GRM7: variants seen among roughly 807,000 people sequenced by gnomAD.
GRM7 encodes metabotropic glutamate receptor 7.
Under a neutral mutation model 84.5 loss-of-function variants are expected in GRM7, and 35 were observed. The observed-to-expected ratio is 0.41, with a 90% CI of 0.32 to 0.55. GRM7 has a LOEUF of 0.55. GRM7 is among the 20% of genes least tolerant of loss of function. The pLI, the probability that GRM7 is intolerant of heterozygous loss-of-function variation, is 0.19. For synonymous variants in GRM7, 487 were observed against 455.1 expected, an observed-to-expected ratio of 1.07 and a Z score of -0.89; for missense variants, 1,003 against 1,194.6, an observed-to-expected ratio of 0.84 and a Z score of 2.36.
intron 1 of GRM7, among the ~76,000 whole-genome samples, chr3:6,869,582 T>TCTAA (rs199623870): frequency 8.2e-5 from 2 of 24,264 alleles, no homozygotes; most frequent in Admixed American, 3.4e-4. Flanking sequence ...TATCTATCTG[T>TCTAA]CTATCTATCT....
chr3:7,019,087 G>T (rs1695676780), intron 1 of GRM7, among the ~76,000 whole-genome samples: 1 of 152,206 alleles, frequency 6.6e-6, no homozygotes, highest in South Asian at 2.1e-4. Context: ...TCCAGAGGAA[G>T]ACTCCATCTC....
intron 1 of GRM7, among the ~76,000 whole-genome samples, chr3:7,048,213 C>T (rs932975031): frequency 9.2e-5 from 14 of 151,892 alleles, no homozygotes; most frequent in Admixed American, 8.5e-4. Context: ...TTTCTTTCTC[C>T]TTATCCAAGC....
chr3:7,305,380 A>G (rs56120020), intron 3 of GRM7, among the ~76,000 whole-genome samples: 20,974 of 82,876 alleles, frequency 0.25, 8,875 homozygotes, highest in African/African-American at 0.81. Context: ...AAGTTTTAGG[A>G]TACATGTGCA....
Position 7,258,091 on chromosome 3 carries a change from C to T in GRM7, c.737-40593C>T, listed in dbSNP as rs1458861136. 2.6e-5 allele frequency among the ~76,000 whole-genome samples: 4 copies of T among 152,126 alleles called. No homozygotes were observed. The East Asian group carries it at 7.7e-4, about 29-fold the overall frequency. Reference sequence around the variant, plus strand: ...CAGGCTACTCAGGCCCAGAGAAGTACAGTAGCACCCAGTGACACAGCCTGA... The same window carrying T: ...CAGGCTACTCAGGCCCAGAGAAGTATAGTAGCACCCAGTGACACAGCCTGA... On this transcript the variant is annotated intron_variant, in intron 2 of 9. Transcript: ENST00000357716.
At chr3:7,295,819 CT>C (rs920192897) in intron 2 of GRM7, among the ~76,000 whole-genome samples, 3 of 145,374 alleles carry the variant, frequency 2.1e-5, no homozygotes, top group African/African-American at 5.1e-5. Flanking sequence ...TTTTTGATAG[CT>C]TTTTTTTGGG....
chr3:7,142,468 A>T (rs1693978162), intron 1 of GRM7, among the ~76,000 whole-genome samples: 2 of 152,090 alleles, frequency 1.3e-5, no homozygotes, highest in African/African-American at 4.8e-5. Context: ...GTGACAAGCA[A>T]AGGAGGAAGA....
chr3:7,088,911 G>T (rs1698559143), intron 1 of GRM7, among the ~76,000 whole-genome samples: 1 of 151,918 alleles, frequency 6.6e-6, no homozygotes, highest in Non-Finnish European at 1.5e-5. Flanking sequence ...TCCTGTGAGG[G>T]TATACATACA....
Position 7,579,196 on chromosome 3 carries a change from ATTC to A in GRM7, c.2295_2297del (p.Leu766del). The A allele has an allele frequency of 6.2e-7, 1 of 1,614,016 alleles. No individual in the cohort carries two copies. The highest frequency in any genetic ancestry group is 1.7e-5 in the Admixed American group (1 of 60,020). On this transcript the variant is annotated inframe_deletion, in exon 8 of 10. Transcript: ENST00000357716. ...AATCATTTGCTCCTTGGGATATAGC[ATTC>A]TTCTCATGGTCACATGTACTGTGTA...
At chr3:7,155,844 A>T (rs559500392) in intron 2 of GRM7, among the ~76,000 whole-genome samples, 1 of 152,278 alleles carries the variant, frequency 6.6e-6, no homozygotes, top group Non-Finnish European at 1.5e-5. Context: ...GCATTGACTG[A>T]CTTTCAAATA....
At chr3:7,196,562 G>A (rs543334316) in intron 2 of GRM7, among the ~76,000 whole-genome samples, 1 of 152,176 alleles carries the variant, frequency 6.6e-6, no homozygotes, top group African/African-American at 2.4e-5. Flanking sequence ...CTTTAAAGAT[G>A]TTGTTCCCTC....
intron 1 of GRM7, chr3:6,884,162 A>T (rs1286588442): frequency 6.6e-6 from 1 of 152,636 alleles, no homozygotes; most frequent in Non-Finnish European, 1.5e-5. Flanking sequence ...TTTAGAAAAA[A>T]TGAAATTATA....
At chr3:7,192,437 A>G (rs560067683) in intron 2 of GRM7, among the ~76,000 whole-genome samples, 1 of 151,880 alleles carries the variant, frequency 6.6e-6, no homozygotes, top group Non-Finnish European at 1.5e-5. Flanking sequence ...TTTCTACTGC[A>G]CTCCCCCAGA....
chr3:7,374,787 A>G (rs1273675341), intron 4 of GRM7, among the ~76,000 whole-genome samples: 1 of 151,672 alleles, frequency 6.6e-6, no homozygotes, highest in Non-Finnish European at 1.5e-5. Flanking sequence ...CACCATGCCC[A>G]GCCGGTATGA....
At chr3:6,909,271 C>T (rs1389036047) in intron 1 of GRM7, among the ~76,000 whole-genome samples, 1 of 152,132 alleles carries the variant, frequency 6.6e-6, no homozygotes, top group Non-Finnish European at 1.5e-5. Context: ...TAAGCCTGCC[C>T]TTTGATTGGT....
intron 1 of GRM7, among the ~76,000 whole-genome samples, chr3:7,092,689 T>C (rs73115045): frequency 0.068 from 10,367 of 152,130 alleles, 395 homozygotes; most frequent in African/African-American, 0.12. Flanking sequence ...CCTGCTGCTA[T>C]TTTTGAGAAG....
intron 1 of GRM7, among the ~76,000 whole-genome samples, chr3:7,108,320 T>A (rs1365233445): frequency 6.6e-6 from 1 of 152,054 alleles, no homozygotes; most frequent in Admixed American, 6.6e-5. Flanking sequence ...GCAAGACAGA[T>A]GATGAAAGAG....
At chr3:7,427,131 A>G (rs73810641) in intron 5 of GRM7, among the ~76,000 whole-genome samples, 172 of 152,354 alleles carry the variant, frequency 1.1e-3, no homozygotes, top group African/African-American at 4.1e-3. Flanking sequence ...ACAAAAGGAA[A>G]TTAGCAACAT....
rs1285100720 is a variant in GRM7, at chr3:7,572,824, ATATATATATATATATATATATATATAT to A, written c.1516-5597_1516-5571del. On this transcript the variant is annotated intron_variant, in intron 7 of 9. Coordinates refer to ENST00000357716, the MANE Select transcript of GRM7 (RefSeq NM_000844.4). ...GCGACAGAGTGAGACTCTATCTCAA[ATATATATATATATATATATATATATAT>A]ATATATATATATATATATATATATA... Among the ~76,000 whole-genome samples the A allele has an allele frequency of 8.4e-4, 50 of 59,726 alleles. 6 individuals are homozygous for A. Among genetic ancestry groups the A allele is most frequent in the Admixed American group, 1.7e-3 (9 of 5,414 alleles). The allele number at this position is 59,726 out of a possible 152,430, so 39.2% of individuals were successfully genotyped here.
At chr3:7,005,865 T>C (rs1420483105) in intron 1 of GRM7, among the ~76,000 whole-genome samples, 1 of 152,140 alleles carries the variant, frequency 6.6e-6, no homozygotes, top group Non-Finnish European at 1.5e-5. Flanking sequence ...AGGTTGCCTC[T>C]TTTTCAATAG....
Sources: gnomAD v4.1 joint callset for allele counts (sites outside exome capture counted in the v4.1 genomes callset) on GRCh38, gnomAD v4.1.1 for gene constraint, MANE v1.5 for transcripts, NCBI Gene and HGNC (gene_info 2026-07-23, HGNC 2026-07-21) for gene names.